POC1B: variants seen among roughly 807,000 people sequenced by gnomAD.
POC1B encodes POC1 centriolar protein homolog B.
In POC1B, 44 loss-of-function variants were observed where a neutral mutation model predicts 60.6. That is an observed-to-expected ratio of 0.73 (90% CI 0.57 to 0.93). POC1B has a LOEUF of 0.93. POC1B is among the 40% of genes least tolerant of loss of function. POC1B has a pLI of 0.00. For synonymous variants in POC1B, 180 were observed against 198.9 expected (o/e 0.90, Z 0.80); for missense variants, 555 against 572.3 (o/e 0.97, Z 0.31).
chr12:89,468,768 G>A (rs969375029), intron 7 of POC1B, among the ~76,000 whole-genome samples: 3 of 152,038 alleles, frequency 2.0e-5, no homozygotes, highest in Non-Finnish European at 4.4e-5. Context: ...CAGAATAAAT[G>A]ATAACGCAAA....
At chr12:89,426,037 A>G (rs1880750409) in intron 10 of POC1B, 1 of 152,252 alleles carries the variant, frequency 6.6e-6, no homozygotes, top group Admixed American at 6.5e-5. Flanking sequence ...ATAAACATAC[A>G]ATGAAATATA....
At chr12:89,443,121 C>T (rs1049463189) in intron 10 of POC1B, among the ~76,000 whole-genome samples, 1 of 152,134 alleles carries the variant, frequency 6.6e-6, no homozygotes, top group Non-Finnish European at 1.5e-5. Context: ...TAGAGACTTA[C>T]AAAGAGACTT....
At chr12:89,438,955 GA>G (rs761924750) in intron 10 of POC1B, among the ~76,000 whole-genome samples, 5 of 152,082 alleles carry the variant, frequency 3.3e-5, no homozygotes, top group Non-Finnish European at 7.4e-5. Context: ...GTCCCCTTAG[GA>G]AATACCCTAC....
chr12:89,445,158 T>C (rs933958698), intron 10 of POC1B, among the ~76,000 whole-genome samples: 1 of 152,168 alleles, frequency 6.6e-6, no homozygotes, highest in Non-Finnish European at 1.5e-5. Context: ...GAAGAATCAA[T>C]ATTGTGAAAA....
At chr12:89,483,919 CTT>C (rs1481263956) in intron 4 of POC1B, among the ~76,000 whole-genome samples, 1 of 152,144 alleles carries the variant, frequency 6.6e-6, no homozygotes, top group Admixed American at 6.5e-5. Flanking sequence ...ATATAAAAGA[CTT>C]TTTTGTTTCT....
chr12:89,406,966 CG>C, the POC1B span, among the ~76,000 whole-genome samples: 7 of 110 alleles, frequency 0.064, no homozygotes, highest in East Asian at 0.25. Flanking sequence ...GCCAACATGC[CG>C]AAACCCCCGT....
At chr12:89,440,869 G>A (rs1177789730) in intron 10 of POC1B, among the ~76,000 whole-genome samples, 4 of 152,236 alleles carry the variant, frequency 2.6e-5, no homozygotes, top group South Asian at 2.1e-4. Context: ...TCCTAGCCAA[G>A]GGAAGCCATG....
intron 2 of POC1B, 78 bp downstream of exon 2, chr12:89,525,042 C>G (rs936561323): frequency 4.4e-6 from 7 of 1,589,508 alleles, no homozygotes; most frequent in Non-Finnish European, 5.2e-6. Flanking sequence ...TCCTAGGGAC[C>G]CTGCCCGGAC....
In POC1B at chr12:89,459,639, G is replaced by A; in HGVS notation, c.1112C>T (p.Thr371Ile). Residue 371 changes from threonine (T) to isoleucine (I), a missense_variant and splice_region_variant, in exon 10 of 12, where the codon ACA (threonine) becomes ATA (isoleucine). By Grantham distance (89) the Thr-to-Ile change is moderately conservative. Transcript: ENST00000313546. ...VMDILSFDST[T>I]TTETSGRTLP... ...AAAAAAAAAAAAAACCCGACTTACT[G>A]TGGTAGAATCAAAAGAAAGGATATC... 7.2e-7 allele frequency: 1 copy of A among 1,385,114 alleles called. No homozygotes were observed. Among genetic ancestry groups the A allele is most frequent in the South Asian group, 1.5e-5 (1 of 68,348 alleles). 85.8% of individuals were successfully genotyped at this position (1,385,114 alleles called of 1,614,324 possible).
intron 2 of POC1B, chr12:89,500,040 G>A: frequency 8.7e-7 from 1 of 1,155,160 alleles, no homozygotes; most frequent in Non-Finnish European, 1.3e-6. Context: ...TGGAGCTGTG[G>A]TCTGTGTGGG....
the POC1B span, among the ~76,000 whole-genome samples, chr12:89,410,301 T>C: frequency 5.3e-5 from 8 of 152,294 alleles, no homozygotes; most frequent in Non-Finnish European, 1.0e-4. Context: ...TGACGGAACG[T>C]CTCTCAAAAT....
chr12:89,491,624 CAAAAAAAAAAAAAAGAAAAAAA>C (rs1350795775), intron 4 of POC1B, among the ~76,000 whole-genome samples: 1 of 54,492 alleles, frequency 1.8e-5, no homozygotes, highest in African/African-American at 7.1e-5. Context: ...GACCGTGTCT[CAAAAAAAAAAAAAAGAAAAAAA>C]AAAAAGAAAA....
At position 89,506,039 on chromosome 12, in the gene POC1B, G is replaced by A. The variant is rs536945023; in HGVS notation, c.101-8697C>T. ...TGAGATGAGAAAGACCAGAAAAGGAGATCTGAAGTGATACAGGTTGGGGTG... is the reference window on the plus strand; with the variant it reads ...TGAGATGAGAAAGACCAGAAAAGGAAATCTGAAGTGATACAGGTTGGGGTG... On this transcript the variant is annotated intron_variant, in intron 2 of 11. Transcript: ENST00000313546. Among the ~76,000 whole-genome samples the A allele has an allele frequency of 5.3e-5, 8 of 152,298 alleles. No homozygotes were observed. In the South Asian group the frequency reaches 8.3e-4, roughly 16 times the overall value.
intron 10 of POC1B, among the ~76,000 whole-genome samples, chr12:89,451,875 G>A (rs1411419965): frequency 6.6e-6 from 1 of 152,166 alleles, no homozygotes; most frequent in Non-Finnish European, 1.5e-5. Context: ...TGAAAGCTAA[G>A]TTCACTATTT....
downstream of POC1B, among the ~76,000 whole-genome samples, chr12:89,414,988 G>A (rs1880341179): frequency 6.6e-6 from 1 of 152,136 alleles, no homozygotes; most frequent in Non-Finnish European, 1.5e-5. Flanking sequence ...TGAGTTCCAG[G>A]CAAGCCTTTT....
chr12:89,459,621 A>AAC lies in POC1B; in HGVS notation c.1113+16_1113+17insGT, dbSNP rs1565734452. On this transcript the variant is annotated intron_variant, in intron 10 of 11. Coordinates refer to ENST00000313546, the MANE Select transcript of POC1B (RefSeq NM_172240.3). ...TGCCACTTAAGTGTCAAAAAAAAAAAAAAAAACCCGACTTACTGTGGTAGA... is the reference window on the plus strand; with the variant it reads ...TGCCACTTAAGTGTCAAAAAAAAAAAACAAAAAACCCGACTTACTGTGGTAGA... The AAC allele has an allele frequency of 1.8e-5, 25 of 1,376,240 alleles. No homozygotes were observed. Among genetic ancestry groups the AAC allele is most frequent in the South Asian group, 4.4e-5 (3 of 67,484 alleles). The allele number at this position is 1,376,240 out of a possible 1,614,324, so 85.3% of individuals were successfully genotyped here.
chr12:89,424,971 G>A (rs1046345360), intron 11 of POC1B, among the ~76,000 whole-genome samples, 190 bp downstream of exon 11: 1 of 152,192 alleles, frequency 6.6e-6, no homozygotes, highest in African/African-American at 2.4e-5. Flanking sequence ...GTGTGTGCAC[G>A]TGTGCACACA....
downstream of POC1B, among the ~76,000 whole-genome samples, chr12:89,416,177 A>C (rs1880360979): frequency 6.6e-6 from 1 of 152,240 alleles, no homozygotes; most frequent in African/African-American, 2.4e-5. Context: ...GTTAAGTCAT[A>C]GTGGAAGAGG....
At chr12:89,431,452 C>CAT (rs895741605) in intron 10 of POC1B, among the ~76,000 whole-genome samples, 1 of 151,972 alleles carries the variant, frequency 6.6e-6, no homozygotes, top group African/African-American at 2.4e-5. Flanking sequence ...CACACACACA[C>CAT]ACACGCACAT....
Sources: allele counts gnomAD v4.1 joint callset (sites outside exome capture counted in the v4.1 genomes callset), GRCh38; gene constraint gnomAD v4.1.1; transcripts MANE v1.5; gene names NCBI Gene and HGNC (gene_info 2026-07-23, HGNC 2026-07-21).